The following WFDC3 variants were observed in gnomAD, a reference collection of about 807,000 sequenced individuals.
WFDC3 encodes the protein WAP four-disulfide core domain 3.
In WFDC3, 15 loss-of-function variants were observed where a neutral mutation model predicts 25.8. The observed-to-expected ratio is 0.58, with a 90% confidence interval of 0.39 to 0.89. The LOEUF is 0.89. Among genes scored for constraint, WFDC3 ranks in the 40% least tolerant of loss-of-function variants. The pLI is 0.00. For missense variants in WFDC3, 264 were observed against 289.8 expected, an observed-to-expected ratio of 0.91 and a Z score of 0.65; for synonymous variants, 103 against 107.1, an observed-to-expected ratio of 0.96 and a Z score of 0.24.
At chr20:45,777,807 C>T (rs937307203) in intron 4 of WFDC3, among the ~76,000 whole-genome samples, 2 of 151,340 alleles carry the variant, frequency 1.3e-5, no homozygotes, top group African/African-American at 4.9e-5. Flanking sequence ...AGGCGTGAGC[C>T]CCCCCACCCA....
rs1262365916 is a variant in WFDC3 at position 45,775,541 on chromosome 20, A to T, written c.555T>A (p.Asp185Glu). Residue 185 changes from aspartate (D) to glutamate (E), a missense_variant, in exon 6 of 7, where the codon GAT becomes GAA. Transcript: ENST00000243938. ...VGLCIVGCVM[D>E]ENCQAGEKCC... ...ATTTTTCTCCAGCTTGACAATTCTCATCCATCACACAGCCAACAATGCACA... is the reference window on the plus strand; with the variant it reads ...ATTTTTCTCCAGCTTGACAATTCTCTTCCATCACACAGCCAACAATGCACA... The T allele has an allele frequency of 6.2e-7, 1 of 1,611,974 alleles. No homozygotes were observed. The highest frequency in any genetic ancestry group is 1.3e-5 in the African/African-American group (1 of 74,886).
intron 1 of WFDC3, among the ~76,000 whole-genome samples, chr20:45,791,536 A>G (rs1185337144): frequency 6.6e-6 from 1 of 152,002 alleles, no homozygotes; most frequent in Non-Finnish European, 1.5e-5. Flanking sequence ...ATGGCAAGTG[A>G]TCCTCCCGCC....
Position 45,775,543 on chromosome 20 carries a change from C to T in WFDC3, c.553G>A (p.Asp185Asn), listed in dbSNP as rs564169716. 6.2e-7 allele frequency: 1 copy of T among 1,614,180 alleles called. No homozygotes were observed. Among genetic ancestry groups the T allele is most frequent in the East Asian group, 2.2e-5 (1 of 44,886 alleles). ...TTTTCTCCAGCTTGACAATTCTCAT[C>T]CATCACACAGCCAACAATGCACAGG... is the stretch of plus-strand genomic sequence containing the variant. ...VGLCIVGCVM[D>N]ENCQAGEKCC... The change falls in exon 6 of 7, where the codon GAT becomes AAT. Residue 185 changes from aspartate to asparagine, a missense_variant. Transcript: ENST00000243938.
intron 1 of WFDC3, among the ~76,000 whole-genome samples, chr20:45,790,256 A>G (rs193072745): frequency 1.3e-5 from 2 of 152,304 alleles, no homozygotes; most frequent in African/African-American, 4.8e-5. Context: ...TGAGAAACCT[A>G]GTGGGTGGCT....
rs1175275689 is a variant in WFDC3 at position 45,791,857 on chromosome 20, G to A, written c.-33C>T. On this transcript the variant is annotated 5_prime_UTR_variant, in exon 1 of 7. Transcript: ENST00000243938. ...AAGGCCTCTAAGTGTAACTGTCCTGGGCGAGGCGCGGCGGTTCGGTTCCCA... is the reference window on the plus strand; with the variant it reads ...AAGGCCTCTAAGTGTAACTGTCCTGAGCGAGGCGCGGCGGTTCGGTTCCCA... The A allele has an allele frequency of 1.0e-5, 5 of 488,796 alleles. No homozygotes were observed. The highest frequency in any genetic ancestry group is 1.6e-5 in the Non-Finnish European group (5 of 309,590). The allele number at this position is 488,796 out of a possible 1,614,324, so 30.3% of individuals were successfully genotyped here. A position where few individuals can be genotyped will look rare whatever the true frequency, so the allele number is the denominator to read the frequency against.
chr20:45,789,577 C>T (rs1046657638), intron 2 of WFDC3, among the ~76,000 whole-genome samples: 2 of 151,946 alleles, frequency 1.3e-5, no homozygotes. Context: ...TCCACCACTG[C>T]TAAAGGAGCA....
At chr20:45,776,224 G>GT (rs1980137415) in intron 5 of WFDC3, among the ~76,000 whole-genome samples, 1 of 148,398 alleles carries the variant, frequency 6.7e-6, no homozygotes, top group South Asian at 2.1e-4. Context: ...AAAAATATTT[G>GT]TTTTTTTAAA....
rs3080047 is a variant in WFDC3, at chr20:45,776,278, C to CTGTGTGTGTGTGTGTGTGTGTG, written c.494-698_494-677dup. ...CATTGGAACAGGAATGCTTTTATCTCTGTGTGTGTGTGTGTGTGTGTGTGT... is the reference window on the plus strand; with the variant it reads ...CATTGGAACAGGAATGCTTTTATCTCTGTGTGTGTGTGTGTGTGTGTGTGTGTGTGTGTGTGTGTGTGTGTGT... On this transcript the variant is annotated intron_variant, in intron 5 of 6. Transcript: ENST00000243938. 5.7e-4 allele frequency among the ~76,000 whole-genome samples: 58 copies of CTGTGTGTGTGTGTGTGTGTGTG among 102,022 alleles called. 1 individual carries two copies. Among genetic ancestry groups the CTGTGTGTGTGTGTGTGTGTGTG allele is most frequent in the Non-Finnish European group, 9.2e-4 (43 of 46,930 alleles). 66.9% of individuals were successfully genotyped at this position (102,022 alleles called of 152,430 possible). A position where few individuals can be genotyped will look rare whatever the true frequency, so the allele number is the denominator to read the frequency against.
chr20:45,774,951 A>C (rs1002940834), intron 6 of WFDC3, among the ~76,000 whole-genome samples: 38 of 151,902 alleles, frequency 2.5e-4, no homozygotes, highest in African/African-American at 9.2e-4. Flanking sequence ...TCAAAAAAAA[A>C]AAAAAAAAAA....
At chr20:45,787,714 C>CTT (rs11086981) in intron 4 of WFDC3, 122 bp downstream of exon 4, 44,297 of 977,716 alleles carry the variant, frequency 0.045, 5 homozygotes, top group Non-Finnish European at 0.049. Flanking sequence ...CTTTGTATAT[C>CTT]TTTTTTTTTT....
At position 45,775,615 on chromosome 20, in the gene WFDC3, C is replaced by CT; in HGVS notation, c.494-14_494-13insA. On this transcript the variant is annotated splice_polypyrimidine_tract_variant and intron_variant, in intron 5 of 6. Transcript: ENST00000243938. ...TCACCGCCCCGCCCTGTGGGAACAA[C>CT]AGGCACAGGAAAAGGGACAGGGCAT... is the stretch of plus-strand genomic sequence containing the variant. 6.2e-7 allele frequency: 1 copy of CT among 1,613,810 alleles called. No individual in the cohort carries two copies. Among genetic ancestry groups the CT allele is most frequent in the Non-Finnish European group, 8.5e-7 (1 of 1,179,744 alleles).
In WFDC3 at chr20:45,774,386, G is replaced by T. The variant is rs781690184; in HGVS notation, c.*42C>A. 56 of 1,613,932 alleles carry T rather than the reference G, an allele frequency of 3.5e-5. No individual in the cohort carries two copies. Among genetic ancestry groups the T allele is most frequent in the Admixed American group, 6.7e-5 (4 of 59,998 alleles). The stretch of plus-strand genomic sequence containing the variant: ...CACCCTCTCTTGACTGCCAGGAAAA[G>T]CTTCCAGAATTACCAAAGAAGCTCC... On this transcript the variant is annotated 3_prime_UTR_variant, in exon 7 of 7. Coordinates refer to ENST00000243938, the MANE Select transcript of WFDC3 (RefSeq NM_080614.2).
At chr20:45,775,635 G>C (rs1235204880) in intron 5 of WFDC3, 33 bp from the exon 6 acceptor site, 3 of 1,612,168 alleles carry the variant, frequency 1.9e-6, no homozygotes, top group Non-Finnish European at 2.5e-6. Context: ...AAAAGGGACA[G>C]GGCATCAGCT....
At chr20:45,789,820 G>T (rs1980864681) in intron 2 of WFDC3, 74 bp downstream of exon 2, 8 of 1,358,416 alleles carry the variant, frequency 5.9e-6, no homozygotes, top group Non-Finnish European at 8.4e-6. Context: ...TCTGGGAGAA[G>T]GCAGGGGATG....
intron 4 of WFDC3, 111 bp downstream of exon 4, chr20:45,787,725 A>G: frequency 2.9e-6 from 3 of 1,041,626 alleles, no homozygotes; most frequent in Non-Finnish European, 2.6e-6. Context: ...TTTTTTTTTT[A>G]AGGTCTTAGA....
chr20:45,780,702 C>T (rs1394297209), intron 4 of WFDC3, among the ~76,000 whole-genome samples: 1 of 152,214 alleles, frequency 6.6e-6, no homozygotes, highest in African/African-American at 2.4e-5. Flanking sequence ...TACTCACTCA[C>T]AGTCTGTCCT....
chr20:45,779,054 T>C (rs1002606169), intron 4 of WFDC3, among the ~76,000 whole-genome samples: 1 of 151,986 alleles, frequency 6.6e-6, no homozygotes, highest in Non-Finnish European at 1.5e-5. Flanking sequence ...AACTACAGAG[T>C]GAGTCAGCAG....
chr20:45,787,267 G>A (rs1440453389), intron 4 of WFDC3, among the ~76,000 whole-genome samples: 1 of 144,956 alleles, frequency 6.9e-6, no homozygotes, highest in Non-Finnish European at 1.5e-5. Flanking sequence ...GAATTACCCA[G>A]TGGTTTTCTT....
intron 4 of WFDC3, among the ~76,000 whole-genome samples, chr20:45,779,454 C>A (rs575637025): frequency 1.3e-5 from 2 of 152,260 alleles, no homozygotes; most frequent in East Asian, 3.9e-4. Flanking sequence ...CTGAGATTTT[C>A]CTGAACAGCC....
Sources: gnomAD v4.1 joint callset for allele counts (sites outside exome capture counted in the v4.1 genomes callset) on GRCh38, gnomAD v4.1.1 for gene constraint, MANE v1.5 for transcripts, NCBI Gene and HGNC (gene_info 2026-07-23, HGNC 2026-07-21) for gene names.